Variants in STON1 observed in about 807,000 individuals in gnomAD.
STON1 encodes the protein stonin 1, also known as stonin-1.
Under a neutral mutation model 60.9 loss-of-function variants are expected in STON1, and 79 were observed. The ratio of observed to expected loss-of-function variants is 1.30; its 90% CI spans 1.08 to 1.56. The LOEUF (loss-of-function observed/expected upper bound fraction) is 1.56, where lower values mean the gene tolerates loss of function less well. Among genes scored for constraint, STON1 ranks in the 40% most tolerant of loss-of-function variants. The pLI is 0.00. For synonymous variants in STON1, 363 were observed against 306.9 expected (o/e 1.18, Z -1.91); for missense variants, 1,166 against 858.9 (o/e 1.36, Z -4.47).
rs1218285590 is a variant in STON1 at position 48,555,473 on chromosome 2, G to C, written c.-47-25114G>C. On this transcript the variant is annotated intron_variant, in intron 1 of 3. Coordinates refer to ENST00000404752, the MANE Select transcript of STON1 (RefSeq NM_006873.4). ...GGCTGACCCCCCCCACCTCCCTCCC[G>C]GACGGGGCGGCTGGCCGGGTGGGGG... Among the ~76,000 whole-genome samples the C allele has an allele frequency of 5.1e-5, 5 of 97,438 alleles. 1 individual carries two copies. Among genetic ancestry groups the C allele is most frequent in the Admixed American group, 4.7e-4 (5 of 10,738 alleles). The allele number at this position is 97,438 out of a possible 152,430, so 63.9% of individuals were successfully genotyped here.
intron 1 of STON1, among the ~76,000 whole-genome samples, chr2:48,573,212 TC>T (rs1213259940): frequency 6.6e-6 from 1 of 152,176 alleles, no homozygotes; most frequent in East Asian, 1.9e-4. Context: ...TCAGGGACTT[TC>T]ATTTTCTGTC....
rs59908100 is a variant in STON1, at chr2:48,549,810, CAAAAAAAAAAAAA to C, written c.-48+19605_-48+19617del. 2.0e-4 allele frequency among the ~76,000 whole-genome samples: 16 copies of C among 78,094 alleles called. No homozygotes were observed. The South Asian group carries it at 4.2e-3, about 21-fold the overall frequency. The allele number at this position is 78,094 out of a possible 152,430, so 51.2% of individuals were successfully genotyped here. ...CCCGGACGACAGAGTGACTCCATCT[CAAAAAAAAAAAAA>C]AAAAAAAAAAGAGAAAAGAAAAAGC... On this transcript the variant is annotated intron_variant, in intron 1 of 3. Coordinates refer to ENST00000404752, the MANE Select transcript of STON1 (RefSeq NM_006873.4).
In STON1 at chr2:48,577,093, G is replaced by A. The variant is rs913797074; in HGVS notation, c.-47-3494G>A. Among the ~76,000 whole-genome samples the A allele has an allele frequency of 5.3e-5, 8 of 151,520 alleles. No homozygotes were observed. The South Asian group carries it at 8.3e-4, about 16-fold the overall frequency. ...AAAAAGAAAGACAGAAATACCGTTTGCAAATATTTTCTCCTATTCTTTATG... is the reference window on the plus strand; with the variant it reads ...AAAAAGAAAGACAGAAATACCGTTTACAAATATTTTCTCCTATTCTTTATG... On this transcript the variant is annotated intron_variant, in intron 1 of 3. Coordinates refer to ENST00000404752, the MANE Select transcript of STON1 (RefSeq NM_006873.4).
chr2:48,561,345 T>G (rs888074016), intron 1 of STON1, among the ~76,000 whole-genome samples: 2 of 152,210 alleles, frequency 1.3e-5, no homozygotes, highest in Non-Finnish European at 2.9e-5. Flanking sequence ...CAAATATTCT[T>G]TTATCTGCCC....
At chr2:48,576,272 C>G (rs887802459) in intron 1 of STON1, among the ~76,000 whole-genome samples, 1 of 136,230 alleles carries the variant, frequency 7.3e-6, no homozygotes, top group African/African-American at 2.7e-5. Context: ...TCACTGCAAC[C>G]TCTGCCTCTT....
At chr2:48,552,685 G>A (rs548319676) in intron 1 of STON1, among the ~76,000 whole-genome samples, 37 of 152,182 alleles carry the variant, frequency 2.4e-4, no homozygotes, top group East Asian at 1.9e-3. Flanking sequence ...CAGGTGAATC[G>A]CTTGAACCCA....
chr2:48,583,422 G>GT (rs1484103119), intron 2 of STON1, among the ~76,000 whole-genome samples: 1 of 152,136 alleles, frequency 6.6e-6, no homozygotes, highest in Non-Finnish European at 1.5e-5. Flanking sequence ...GTGGACACAC[G>GT]TGAGTGTTAA....
chr2:48,553,298 C>T (rs1236722633), intron 1 of STON1, among the ~76,000 whole-genome samples: 2 of 152,108 alleles, frequency 1.3e-5, no homozygotes, highest in African/African-American at 4.8e-5. Context: ...CCTGAAGGCT[C>T]AAGAGTTTAG....
chr2:48,589,222 C>T (rs1269690681), intron 2 of STON1, among the ~76,000 whole-genome samples: 1 of 152,132 alleles, frequency 6.6e-6, no homozygotes, highest in Admixed American at 6.6e-5. Flanking sequence ...CTTCGGCCCT[C>T]TAACAGTTCA....
At chr2:48,558,239 GA>G (rs1299239889) in intron 1 of STON1, among the ~76,000 whole-genome samples, 2 of 152,036 alleles carry the variant, frequency 1.3e-5, no homozygotes, top group Non-Finnish European at 2.9e-5. Context: ...AATAGAGAAA[GA>G]AAAAAATCTT....
At chr2:48,552,140 C>T (rs77896525) in intron 1 of STON1, among the ~76,000 whole-genome samples, 1 of 152,202 alleles carries the variant, frequency 6.6e-6, no homozygotes, top group South Asian at 2.1e-4. Flanking sequence ...TGGGGCATGT[C>T]CATGCAATGG....
At chr2:48,548,816 T>A (rs1223138620) in intron 1 of STON1, among the ~76,000 whole-genome samples, 1 of 152,080 alleles carries the variant, frequency 6.6e-6, no homozygotes, top group East Asian at 1.9e-4. Context: ...TTCTTTTTTA[T>A]CTCTTCCTTC....
intron 2 of STON1, among the ~76,000 whole-genome samples, chr2:48,585,395 G>A (rs914506049): frequency 3.9e-5 from 6 of 151,952 alleles, no homozygotes; most frequent in East Asian, 1.9e-4. Flanking sequence ...TTACAGGCCC[G>A]CACCACCACA....
At chr2:48,537,239 T>C (rs756802205) in intron 1 of STON1, among the ~76,000 whole-genome samples, 2 of 152,202 alleles carry the variant, frequency 1.3e-5, no homozygotes, top group Non-Finnish European at 2.9e-5. Flanking sequence ...AGCGTGAAGT[T>C]TGCTTAAGGT....
chr2:48,579,330 A>G (rs994353764), intron 1 of STON1, among the ~76,000 whole-genome samples: 4 of 147,488 alleles, frequency 2.7e-5, no homozygotes, highest in African/African-American at 1.0e-4. Flanking sequence ...TTTTTTTGAG[A>G]CGGAGTCTCA....
Position 48,555,134 on chromosome 2 carries a change from A to C in STON1, c.-48+24918A>C, listed in dbSNP as rs1173099540. On this transcript the variant is annotated intron_variant, in intron 1 of 3. Transcript: ENST00000404752. ...GTCTCCCATGTCTACTTCTTTCTAC[A>C]CAGACACTGCAACCATCCGATTTCT... Among the ~76,000 whole-genome samples the C allele has an allele frequency of 8.6e-5, 7 of 81,298 alleles. 1 individual carries two copies. The East Asian group carries it at 1.6e-3, about 19-fold the overall frequency. 53.3% of individuals were successfully genotyped at this position (81,298 alleles called of 152,430 possible).
chr2:48,588,241 T>C (rs2103945621), intron 2 of STON1, among the ~76,000 whole-genome samples: 1 of 152,320 alleles, frequency 6.6e-6, no homozygotes, highest in African/African-American at 2.4e-5. Flanking sequence ...CCAGAATGCA[T>C]CTCTATTTTT....
rs752408789 is a variant in STON1, at chr2:48,582,109, T to G, written c.1476T>G (p.Asn492Lys). The part of the protein sequence containing the change: ...ILDYHFHKCV[N>K]VQEFEQSRII... ...ACTACCATTTTCATAAGTGTGTGAATGTACAAGAATTTGAGCAATCAAGAA... is the reference window on the plus strand; with the variant it reads ...ACTACCATTTTCATAAGTGTGTGAAGGTACAAGAATTTGAGCAATCAAGAA... The change falls in exon 2 of 4, where the codon AAT becomes AAG. Residue 492 changes from asparagine (N) to lysine (K), a missense_variant. Transcript: ENST00000404752. The G allele has an allele frequency of 1.1e-5, 17 of 1,614,120 alleles. No homozygotes were observed. The highest frequency in any genetic ancestry group is 1.4e-5 in the Non-Finnish European group (17 of 1,180,046).
At chr2:48,577,008 C>T (rs56111874) in intron 1 of STON1, among the ~76,000 whole-genome samples, 48,816 of 150,542 alleles carry the variant, frequency 0.32, 8,048 homozygotes, top group East Asian at 0.42. Context: ...GAGCCAAGAT[C>T]GCGCCACTGC....
Sources: allele counts gnomAD v4.1 joint callset (sites outside exome capture counted in the v4.1 genomes callset), GRCh38; gene constraint gnomAD v4.1.1; transcripts MANE v1.5; gene names NCBI Gene and HGNC (gene_info 2026-07-23, HGNC 2026-07-21).